The following CLSTN2 variants were observed in gnomAD, a reference collection of about 807,000 sequenced individuals.
CLSTN2 encodes the protein calsyntenin 2.
CLSTN2 carries 48 observed loss-of-function variants against 101.2 expected under a neutral mutation model. That is an observed-to-expected ratio of 0.47 (90% CI 0.38 to 0.60). CLSTN2 has a LOEUF of 0.60. Ranked by LOEUF, CLSTN2 falls within the 20% of genes least tolerant of loss-of-function variation. The pLI, the probability that CLSTN2 is intolerant of heterozygous loss-of-function variation, is 0.00. For missense variants in CLSTN2, 1,160 were observed against 1,238.2 expected (o/e 0.94, Z 0.95); for synonymous variants, 481 against 463.6 (o/e 1.04, Z -0.48).
chr3:140,328,479 C>A (rs2087351943), intron 2 of CLSTN2, among the ~76,000 whole-genome samples: 2 of 152,226 alleles, frequency 1.3e-5, no homozygotes, highest in South Asian at 4.1e-4. Context: ...ATGGTTCCCA[C>A]TCCTCTTTAC....
chr3:139,973,910 T>C (rs1350709217), intron 1 of CLSTN2, among the ~76,000 whole-genome samples: 1 of 152,170 alleles, frequency 6.6e-6, no homozygotes, highest in Non-Finnish European at 1.5e-5. Flanking sequence ...GTATTGGGAT[T>C]ACAGGCATGA....
intron 2 of CLSTN2, among the ~76,000 whole-genome samples, chr3:140,288,858 C>G (rs953195069): frequency 6.6e-6 from 1 of 152,138 alleles, no homozygotes; most frequent in African/African-American, 2.4e-5. Context: ...TCCACAGTCC[C>G]CTGAGGGAGC....
intron 1 of CLSTN2, among the ~76,000 whole-genome samples, chr3:140,076,277 A>G (rs944506744): frequency 1.3e-5 from 2 of 152,190 alleles, no homozygotes; most frequent in Non-Finnish European, 2.9e-5. Flanking sequence ...TATTATGTGT[A>G]TATGCCACGG....
chr3:140,389,598 A>G (rs1053064640), intron 2 of CLSTN2, among the ~76,000 whole-genome samples: 2 of 152,212 alleles, frequency 1.3e-5, no homozygotes, highest in South Asian at 2.1e-4. Flanking sequence ...GAACATACAC[A>G]TGCCTGTGTC....
chr3:140,170,058 A>C (rs1209889733), intron 1 of CLSTN2, among the ~76,000 whole-genome samples: 1 of 152,234 alleles, frequency 6.6e-6, no homozygotes, highest in East Asian at 1.9e-4. Context: ...GGCAATAATC[A>C]TTAAATTCAG....
chr3:140,444,000 T>C (rs1354589278), intron 5 of CLSTN2, among the ~76,000 whole-genome samples: 1 of 152,224 alleles, frequency 6.6e-6, no homozygotes, highest in Non-Finnish European at 1.5e-5. Context: ...CAGACACTGA[T>C]AAAACTGACA....
chr3:140,439,133 G>T (rs535707132), intron 5 of CLSTN2, among the ~76,000 whole-genome samples: 1 of 152,224 alleles, frequency 6.6e-6, no homozygotes, highest in Non-Finnish European at 1.5e-5. Context: ...GAATAGGATG[G>T]TTTCCTCTCA....
intron 1 of CLSTN2, among the ~76,000 whole-genome samples, chr3:139,971,728 C>T (rs1248238245): frequency 6.6e-6 from 1 of 152,188 alleles, no homozygotes; most frequent in African/African-American, 2.4e-5. Context: ...GACCCACATT[C>T]CAGTCACAGA....
intron 8 of CLSTN2, among the ~76,000 whole-genome samples, chr3:140,526,277 A>C (rs1283377317): frequency 6.6e-6 from 1 of 152,144 alleles, no homozygotes; most frequent in African/African-American, 2.4e-5. Context: ...ATAATGTTCT[A>C]GCTGAGAACC....
chr3:140,033,045 C>T (rs1255857816), intron 1 of CLSTN2, among the ~76,000 whole-genome samples: 1 of 152,174 alleles, frequency 6.6e-6, no homozygotes, highest in Non-Finnish European at 1.5e-5. Context: ...TCTGAGCTTA[C>T]TTATTTCTGT....
intron 6 of CLSTN2, chr3:140,453,260 G>A: frequency 6.6e-6 from 1 of 152,202 alleles, no homozygotes; most frequent in South Asian, 2.1e-4. Flanking sequence ...TGTGTGGAGT[G>A]AAGAACACTG....
chr3:140,277,510 A>G (rs1183709944), intron 2 of CLSTN2, among the ~76,000 whole-genome samples: 1 of 152,236 alleles, frequency 6.6e-6, no homozygotes, highest in Non-Finnish European at 1.5e-5. Flanking sequence ...TTTACTTAGC[A>G]ATAGCTCACC....
chr3:140,421,169 C>G lies in CLSTN2; in HGVS notation c.682C>G (p.Gln228Glu), dbSNP rs768597589. The G allele has an allele frequency of 6.2e-7, 1 of 1,614,106 alleles. No individual in the cohort carries two copies. Among genetic ancestry groups the G allele is most frequent in the Non-Finnish European group, 8.5e-7 (1 of 1,179,978 alleles). The stretch of plus-strand genomic sequence containing the variant: ...GAAGCTGAGCTATGACAAACAACAC[C>G]AGTATGAGATCCTGGTGACCGCCTA... ...TEKLSYDKQH[Q>E]YEILVTAYDC... Residue 228 changes from glutamine (Q) to glutamate (E), a missense_variant, in exon 5 of 17, where the codon CAG becomes GAG. Gln to Glu is a conservative substitution (Grantham distance 29). Coordinates refer to ENST00000458420, the MANE Select transcript of CLSTN2 (RefSeq NM_022131.3).
intron 8 of CLSTN2, among the ~76,000 whole-genome samples, chr3:140,483,723 T>G (rs1934178768): frequency 6.6e-6 from 1 of 152,126 alleles, no homozygotes; most frequent in South Asian, 2.1e-4. Context: ...CTTTTGATCT[T>G]TGTTGGTTTA....
chr3:140,002,600 T>G (rs1438959728), intron 1 of CLSTN2, among the ~76,000 whole-genome samples: 1 of 152,196 alleles, frequency 6.6e-6, no homozygotes, highest in African/African-American at 2.4e-5. Flanking sequence ...TTTGGTTGCC[T>G]GTGCTTGCGG....
intron 1 of CLSTN2, among the ~76,000 whole-genome samples, chr3:140,168,782 C>T (rs1182396718): frequency 6.6e-6 from 1 of 152,002 alleles, no homozygotes; most frequent in Non-Finnish European, 1.5e-5. Flanking sequence ...GTCTTAGAAC[C>T]TTTGTCAGAA....
At chr3:140,103,698 G>C (rs992074838) in intron 1 of CLSTN2, among the ~76,000 whole-genome samples, 3 of 152,212 alleles carry the variant, frequency 2.0e-5, no homozygotes, top group African/African-American at 7.2e-5. Flanking sequence ...GTTCCCAGGA[G>C]TAATACGTCA....
chr3:140,563,737 T>A (rs774704212), intron 15 of CLSTN2, among the ~76,000 whole-genome samples: 2 of 152,214 alleles, frequency 1.3e-5, no homozygotes, highest in Non-Finnish European at 2.9e-5. Flanking sequence ...TCACAGATTA[T>A]TTAATTTACA....
In CLSTN2 at chr3:140,339,308, A is replaced by AT. The variant is rs571173149; in HGVS notation, c.233-64319dup. On this transcript the variant is annotated intron_variant, in intron 2 of 16. Coordinates refer to ENST00000458420, the MANE Select transcript of CLSTN2 (RefSeq NM_022131.3). ...AGGGTAGAAGAATGCTAGCAGACTG[A>AT]TTCTCTCTCTCTCTCTCTCTTCCCC... Among the ~76,000 whole-genome samples, 64 of 151,974 alleles carry AT rather than the reference A, an allele frequency of 4.2e-4. No individual in the cohort carries two copies. The South Asian group carries it at 6.4e-3, about 15-fold the overall frequency.
Sources: gnomAD v4.1 joint callset for allele counts (sites outside exome capture counted in the v4.1 genomes callset) on GRCh38, gnomAD v4.1.1 for gene constraint, MANE v1.5 for transcripts, NCBI Gene and HGNC (gene_info 2026-07-23, HGNC 2026-07-21) for gene names.